The following CFAP61 variants were observed in gnomAD, a reference collection of about 807,000 sequenced individuals.
CFAP61 encodes cilia and flagella associated protein 61.
CFAP61 carries 107 observed loss-of-function variants against 135.6 expected under a neutral mutation model. The ratio of observed to expected loss-of-function variants is 0.79; its 90% CI spans 0.67 to 0.93. The LOEUF (loss-of-function observed/expected upper bound fraction) is 0.93. Ranked by LOEUF, CFAP61 falls within the 40% of genes least tolerant of loss-of-function variation. The probability of loss-of-function intolerance (pLI) is 0.00; values close to 1 mark genes in which losing one functional copy is unlikely to be tolerated. For missense variants in CFAP61, 1,507 were observed against 1,556.2 expected (o/e 0.97, Z 0.53); for synonymous variants, 575 against 578.5 (o/e 0.99, Z 0.09).
intron 13 of CFAP61, among the ~76,000 whole-genome samples, chr20:20,183,869 C>T (rs1225959801): frequency 6.6e-6 from 1 of 152,120 alleles, no homozygotes; most frequent in African/African-American, 2.4e-5. Context: ...AAACATACAG[C>T]CATAGCCCGT....
intron 20 of CFAP61, chr20:20,253,669 G>A (rs558065287): frequency 6.4e-5 from 28 of 440,480 alleles, no homozygotes; most frequent in African/African-American, 3.0e-4. Flanking sequence ...CCTTTGTAAC[G>A]TCAGAATGGT....
chr20:20,165,513 C>T (rs1281589495), intron 11 of CFAP61, among the ~76,000 whole-genome samples: 1 of 152,054 alleles, frequency 6.6e-6, no homozygotes, highest in African/African-American at 2.4e-5. Context: ...AGCCACCCAC[C>T]CTGCCCCTCC....
intron 17 of CFAP61, among the ~76,000 whole-genome samples, chr20:20,210,988 T>G (rs1056297378): frequency 6.6e-6 from 1 of 151,956 alleles, no homozygotes; most frequent in Non-Finnish European, 1.5e-5. Flanking sequence ...AAAAAATGGG[T>G]TTTGCCTTCC....
chr20:20,074,784 G>A (rs1319547859), intron 4 of CFAP61, among the ~76,000 whole-genome samples: 3 of 152,302 alleles, frequency 2.0e-5, no homozygotes, highest in African/African-American at 7.2e-5. Context: ...CAGGGCTACC[G>A]AGTCATGGCG....
At chr20:20,327,513 A>G (rs996813147) in intron 25 of CFAP61, among the ~76,000 whole-genome samples, 14 of 152,188 alleles carry the variant, frequency 9.2e-5, no homozygotes, top group Non-Finnish European at 2.1e-4. Context: ...CACATTATGT[A>G]ATATGTTTCC....
intron 25 of CFAP61, among the ~76,000 whole-genome samples, chr20:20,317,613 G>A (rs148495715): frequency 2.0e-5 from 3 of 152,228 alleles, no homozygotes; most frequent in East Asian, 1.9e-4. Flanking sequence ...TGCCACCAAC[G>A]ATGCCCCTGC....
chr20:20,298,132 T>C (rs1250536084), intron 24 of CFAP61, 49 bp from the exon 25 acceptor site: 2 of 1,341,768 alleles, frequency 1.5e-6, no homozygotes, highest in African/African-American at 1.4e-5. Context: ...GTTCCCAAAA[T>C]CCAGGAATGT....
In CFAP61 at chr20:20,252,384, T is replaced by C. The variant is rs2051006556; in HGVS notation, c.2328+621T>C. Among the ~76,000 whole-genome samples the C allele has an allele frequency of 3.9e-5, 6 of 152,350 alleles. No individual in the cohort carries two copies. In the South Asian group the frequency reaches 1.2e-3, roughly 32 times the overall value. On this transcript the variant is annotated intron_variant, in intron 20 of 26. Coordinates refer to ENST00000245957, the MANE Select transcript of CFAP61 (RefSeq NM_015585.4). ...TTGTAATATGCATGAGTGTTTCATG[T>C]AGTTTACAGCAGTAAGGTATTTCTC...
chr20:20,159,333 T>C, intron 9 of CFAP61, 37 bp from the exon 10 acceptor site: 9 of 1,599,512 alleles, frequency 5.6e-6, no homozygotes, highest in East Asian at 4.5e-5. Context: ...ACTGTAGGTG[T>C]CGATTAATTT....
chr20:20,327,777 CAAAAAAAAA>C (rs60171844), intron 25 of CFAP61, among the ~76,000 whole-genome samples: 1,930 of 60,466 alleles, frequency 0.032, 36 homozygotes, highest in Non-Finnish European at 0.046. Context: ...AAGAGCCTGT[CAAAAAAAAA>C]AAAAAAAAAA....
chr20:20,280,652 C>G (rs1338921174), intron 22 of CFAP61, among the ~76,000 whole-genome samples: 1 of 152,106 alleles, frequency 6.6e-6, no homozygotes, highest in Non-Finnish European at 1.5e-5. Context: ...GGATATATCT[C>G]ATTTTGTTTA....
chr20:20,112,132 A>C (rs529847225), intron 8 of CFAP61, among the ~76,000 whole-genome samples: 1 of 152,332 alleles, frequency 6.6e-6, no homozygotes, highest in African/African-American at 2.4e-5. Flanking sequence ...TAATGATCTG[A>C]TGAGAGTTCA....
At chr20:20,069,879 G>A (rs981866776) in intron 2 of CFAP61, 3 of 380,512 alleles carry the variant, frequency 7.9e-6, no homozygotes, top group African/African-American at 6.3e-5. Flanking sequence ...GCTTCTTCCT[G>A]TTCTCCTCAA....
intron 17 of CFAP61, among the ~76,000 whole-genome samples, chr20:20,208,664 G>A (rs1206535133): frequency 6.6e-6 from 1 of 152,218 alleles, no homozygotes; most frequent in African/African-American, 2.4e-5. Flanking sequence ...AGTTGGAGGA[G>A]GAGGCAACTC....
chr20:20,321,092 T>G (rs2057487920), intron 25 of CFAP61, among the ~76,000 whole-genome samples: 1 of 152,068 alleles, frequency 6.6e-6, no homozygotes, highest in African/African-American at 2.4e-5. Flanking sequence ...TAATATTGCA[T>G]TGTTAAAATA....
chr20:20,164,770 A>G (rs1406259780), intron 11 of CFAP61, among the ~76,000 whole-genome samples: 4 of 152,162 alleles, frequency 2.6e-5, no homozygotes, highest in Non-Finnish European at 5.9e-5. Context: ...GCTGGTGATA[A>G]AGACATACTC....
intron 9 of CFAP61, among the ~76,000 whole-genome samples, chr20:20,144,567 G>A (rs1316627650): frequency 6.6e-6 from 1 of 151,484 alleles, no homozygotes; most frequent in African/African-American, 2.4e-5. Flanking sequence ...TAATATATGT[G>A]TAATAGAAGT....
At chr20:20,135,704 A>G (rs1032095761) in intron 8 of CFAP61, among the ~76,000 whole-genome samples, 3 of 152,178 alleles carry the variant, frequency 2.0e-5, no homozygotes, top group African/African-American at 7.2e-5. Flanking sequence ...ATCTTACTGT[A>G]CTATGTCTTG....
chr20:20,213,861 C>T (rs1475568551), intron 17 of CFAP61, among the ~76,000 whole-genome samples: 1 of 151,962 alleles, frequency 6.6e-6, no homozygotes, highest in East Asian at 1.9e-4. Flanking sequence ...ACTGTTTTTT[C>T]ACACCCTTCA....
Sources: allele counts gnomAD v4.1 joint callset (sites outside exome capture counted in the v4.1 genomes callset), GRCh38; gene constraint gnomAD v4.1.1; transcripts MANE v1.5; gene names NCBI Gene and HGNC (gene_info 2026-07-23, HGNC 2026-07-21).